SHISA6: variants seen among roughly 807,000 people sequenced by gnomAD.
SHISA6 encodes shisa family member 6.
SHISA6 carries 22 observed loss-of-function variants against 47.9 expected under a neutral mutation model. The observed-to-expected ratio is 0.46, with a 90% CI of 0.33 to 0.66. The LOEUF (loss-of-function observed/expected upper bound fraction) is 0.66. Ranked by LOEUF, SHISA6 falls within the 30% of genes least tolerant of loss-of-function variation. The pLI is 0.02. For synonymous variants in SHISA6, 388 were observed against 337.8 expected, an observed-to-expected ratio of 1.15 and a Z score of -1.63; for missense variants, 680 against 764.6, an observed-to-expected ratio of 0.89 and a Z score of 1.30.
At chr17:11,260,634 C>T (rs1424176889) in intron 1 of SHISA6, among the ~76,000 whole-genome samples, 2 of 152,014 alleles carry the variant, frequency 1.3e-5, no homozygotes, top group Non-Finnish European at 2.9e-5. Flanking sequence ...CCCTCAGACT[C>T]TGCCTCCTCT....
chr17:11,462,340 T>G (rs1373203342), intron 3 of SHISA6, among the ~76,000 whole-genome samples: 1 of 152,178 alleles, frequency 6.6e-6, no homozygotes, highest in Non-Finnish European at 1.5e-5. Flanking sequence ...CAAAGATGCT[T>G]GTCTGTGTTC....
At chr17:11,366,511 A>G (rs1174293998) in intron 2 of SHISA6, among the ~76,000 whole-genome samples, 2 of 152,202 alleles carry the variant, frequency 1.3e-5, no homozygotes, top group African/African-American at 4.8e-5. Context: ...GCAGATGTCT[A>G]TTTTTAGGAG....
intron 2 of SHISA6, among the ~76,000 whole-genome samples, chr17:11,349,621 C>T (rs1463385056): frequency 1.3e-5 from 2 of 152,086 alleles, no homozygotes; most frequent in East Asian, 1.9e-4. Flanking sequence ...GGATGGGGGA[C>T]GCGTGAATGT....
intron 3 of SHISA6, among the ~76,000 whole-genome samples, chr17:11,539,170 A>G (rs578139103): frequency 6.6e-6 from 1 of 152,028 alleles, no homozygotes; most frequent in Non-Finnish European, 1.5e-5. Flanking sequence ...TTGAACTCCC[A>G]ATCTCAGGTG....
chr17:11,348,653 G>A lies in SHISA6; in HGVS notation c.800-30761G>A, dbSNP rs138438505. On this transcript the variant is annotated intron_variant, in intron 2 of 5. Coordinates refer to ENST00000441885, the MANE Select transcript of SHISA6 (RefSeq NM_207386.4). ...TGGTCCTCAGCAGTGTCTACCCTGA[G>A]TTTTTTCTTTCTTTCTTCTTCCCTT... Among the ~76,000 whole-genome samples, 257 of 152,130 alleles carry A rather than the reference G, an allele frequency of 1.7e-3. 1 individual carries two copies. Among genetic ancestry groups the A allele is most frequent in the African/African-American group, 5.9e-3 (244 of 41,534 alleles).
intron 3 of SHISA6, among the ~76,000 whole-genome samples, chr17:11,403,412 C>T (rs1169797184): frequency 6.6e-6 from 1 of 152,184 alleles, no homozygotes; most frequent in Non-Finnish European, 1.5e-5. Context: ...TTTTATTCTG[C>T]AATTGTCAGA....
intron 3 of SHISA6, among the ~76,000 whole-genome samples, chr17:11,548,545 A>C (rs2071902679): frequency 1.3e-5 from 2 of 152,172 alleles, no homozygotes; most frequent in South Asian, 2.1e-4. Flanking sequence ...GTAATAGACA[A>C]GTGAATCGTT....
At chr17:11,277,241 TTCTC>T (rs139388009) in intron 2 of SHISA6, among the ~76,000 whole-genome samples, 1,407 of 78,032 alleles carry the variant, frequency 0.018, 18 homozygotes, top group African/African-American at 0.042. Flanking sequence ...CGGTTTCTCT[TTCTC>T]TCTCTCTCTC....
chr17:11,482,641 A>C (rs957099031), intron 3 of SHISA6, among the ~76,000 whole-genome samples: 1 of 152,232 alleles, frequency 6.6e-6, no homozygotes, highest in Non-Finnish European at 1.5e-5. Flanking sequence ...ATTATTGTCA[A>C]TGTAGTTATG....
intron 3 of SHISA6, among the ~76,000 whole-genome samples, chr17:11,543,297 G>T (rs1156770618): frequency 6.6e-6 from 1 of 152,094 alleles, no homozygotes; most frequent in East Asian, 1.9e-4. Context: ...ACAATGATAA[G>T]ACAAAGGAGG....
intron 2 of SHISA6, among the ~76,000 whole-genome samples, chr17:11,306,176 A>G (rs1488041103): frequency 6.6e-6 from 1 of 152,168 alleles, no homozygotes. Context: ...CCTAGGTCTG[A>G]GTTCAGGATC....
chr17:11,426,829 A>G (rs1329439097), intron 3 of SHISA6, among the ~76,000 whole-genome samples: 1 of 152,080 alleles, frequency 6.6e-6, no homozygotes, highest in Non-Finnish European at 1.5e-5. Flanking sequence ...GCCTTTCTCT[A>G]TCCTTCCATC....
intron 3 of SHISA6, among the ~76,000 whole-genome samples, chr17:11,387,079 G>C (rs1024258595): frequency 6.6e-6 from 1 of 152,166 alleles, no homozygotes; most frequent in Non-Finnish European, 1.5e-5. Context: ...ACAGCTCCAA[G>C]GCCCTAGGAA....
At chr17:11,543,333 CAA>C (rs1336120464) in intron 3 of SHISA6, among the ~76,000 whole-genome samples, 1 of 152,056 alleles carries the variant, frequency 6.6e-6, no homozygotes, top group Non-Finnish European at 1.5e-5. Context: ...ACTGTTGGAA[CAA>C]AGTTTCTACA....
In SHISA6 at chr17:11,557,747, C is replaced by T. The variant is rs753731964; in HGVS notation, c.1106-7C>T. ...TTGCCTTCTCTCACTCTGTCTCTCC[C>T]CTGCAGCCGACAAGGAGGCTGACGA... On this transcript the variant is annotated splice_polypyrimidine_tract_variant and splice_region_variant and intron_variant, in intron 5 of 5. Coordinates refer to ENST00000441885, the MANE Select transcript of SHISA6 (RefSeq NM_207386.4). The T allele has an allele frequency of 8.0e-5, 122 of 1,531,692 alleles. No individual in the cohort carries two copies. The highest frequency in any genetic ancestry group is 3.8e-4 in the Admixed American group (19 of 49,736). The allele number at this position is 1,531,692 out of a possible 1,614,324, so 94.9% of individuals were successfully genotyped here. A position where few individuals can be genotyped will look rare whatever the true frequency, so the allele number is the denominator to read the frequency against.
At chr17:11,389,253 C>A (rs983761957) in intron 3 of SHISA6, among the ~76,000 whole-genome samples, 1 of 152,138 alleles carries the variant, frequency 6.6e-6, no homozygotes, top group Admixed American at 6.5e-5. Context: ...GCAGGCGAAG[C>A]CACTGGGACA....
chr17:11,241,524 C>A lies in SHISA6; in HGVS notation c.102C>A (p.Thr34=), dbSNP rs1017965501. 13 of 1,127,196 alleles carry A rather than the reference C, an allele frequency of 1.2e-5. No homozygotes were observed. Among genetic ancestry groups the A allele is most frequent in the Non-Finnish European group, 1.4e-5 (13 of 919,854 alleles). 69.8% of individuals were successfully genotyped at this position (1,127,196 alleles called of 1,614,324 possible). A position where few individuals can be genotyped will look rare whatever the true frequency, so the allele number is the denominator to read the frequency against. The part of the protein sequence containing the change: ...HGARGRAANR[T]LSAGGAAVGG... ...CCCGCGGCCGCGCCGCCAACCGGACCCTGAGTGCAGGCGGCGCTGCCGTCG... is the reference window on the plus strand; with the variant it reads ...CCCGCGGCCGCGCCGCCAACCGGACACTGAGTGCAGGCGGCGCTGCCGTCG... Residue 34 remains threonine, a synonymous_variant, in exon 1 of 6, where the codon ACC becomes ACA. Coordinates refer to ENST00000441885, the MANE Select transcript of SHISA6 (RefSeq NM_207386.4). This position sits in a 1 kb window ranked among gnomAD's most constrained non-coding sequence, Gnocchi z 5.5.
chr17:11,292,063 G>A (rs1333872730), intron 2 of SHISA6, among the ~76,000 whole-genome samples: 1 of 152,096 alleles, frequency 6.6e-6, no homozygotes. Flanking sequence ...CAGCGTTCAA[G>A]AACAGAACCA....
intron 3 of SHISA6, among the ~76,000 whole-genome samples, chr17:11,550,600 A>G (rs1233324151): frequency 6.6e-6 from 1 of 152,196 alleles, no homozygotes; most frequent in Non-Finnish European, 1.5e-5. Flanking sequence ...CGATGATTGA[A>G]GTTTCACATT....
Sources: allele counts gnomAD v4.1 joint callset (sites outside exome capture counted in the v4.1 genomes callset), GRCh38; gene constraint gnomAD v4.1.1; non-coding constraint Gnocchi (gnomAD v3.1); transcripts MANE v1.5; gene names NCBI Gene and HGNC (gene_info 2026-07-23, HGNC 2026-07-21).